The following KLHL29 variants were observed in gnomAD, a reference collection of about 807,000 sequenced individuals.
KLHL29 encodes kelch-like protein 29.
KLHL29 carries 21 observed loss-of-function variants against 80.4 expected under a neutral mutation model. That is an observed-to-expected ratio of 0.26 (90% confidence interval 0.19 to 0.38). KLHL29 has a LOEUF of 0.38. Ranked by LOEUF, KLHL29 falls within the 10% of genes least tolerant of loss-of-function variation. KLHL29 has a pLI of 1.00. For missense variants in KLHL29, 867 were observed against 1,223.9 expected (o/e 0.71, Z 4.35); for synonymous variants, 511 against 526.8 (o/e 0.97, Z 0.41).
intron 3 of KLHL29, among the ~76,000 whole-genome samples, chr2:23,611,837 A>G (rs1048455919): frequency 2.6e-5 from 4 of 152,022 alleles, no homozygotes; most frequent in African/African-American, 7.2e-5. Context: ...AAATAACCAC[A>G]TAATACCCCA....
At chr2:23,497,996 C>G (rs1161679252) in intron 2 of KLHL29, among the ~76,000 whole-genome samples, 1 of 151,956 alleles carries the variant, frequency 6.6e-6, no homozygotes, top group African/African-American at 2.4e-5. Context: ...AGGTGTGCAG[C>G]ACAATGTTTT....
chr2:23,471,117 G>T (rs956847276), intron 1 of KLHL29, among the ~76,000 whole-genome samples: 1 of 152,196 alleles, frequency 6.6e-6, no homozygotes, highest in African/African-American at 2.4e-5. Flanking sequence ...ACAGTTTACA[G>T]CCTCCAGTTC....
intron 3 of KLHL29, among the ~76,000 whole-genome samples, chr2:23,610,332 G>T (rs1668827674): frequency 6.6e-6 from 1 of 152,190 alleles, no homozygotes; most frequent in Admixed American, 6.5e-5. Flanking sequence ...TGATTTCCCA[G>T]CTCCCTATCT....
chr2:23,489,431 C>A (rs114063835), intron 2 of KLHL29, among the ~76,000 whole-genome samples: 230 of 152,184 alleles, frequency 1.5e-3, no homozygotes, highest in Admixed American at 2.4e-3. Flanking sequence ...ATCTCCCTTG[C>A]TGCAATTTAA....
rs1666768797 is a variant in KLHL29 at position 23,539,431 on chromosome 2, C to CTTTTTTTTTTTTTTTTTTTTTTTTTTT, written c.-45-22721_-45-22720insTTTTTTTTTTTTTTTTTTTTTTTTTTT. 1.9e-5 allele frequency among the ~76,000 whole-genome samples: 2 copies of CTTTTTTTTTTTTTTTTTTTTTTTTTTT among 107,216 alleles called. 1 individual carries two copies. The allele number at this position is 107,216 out of a possible 152,430, so 70.3% of individuals were successfully genotyped here. ...ATGCTTTGCTAGCCTTATCCTGCCT[C>CTTTTTTTTTTTTTTTTTTTTTTTTTTT]CTTTTTTTTTTTTTTTTTTTTTTTT... On this transcript the variant is annotated intron_variant, in intron 2 of 13. Coordinates refer to ENST00000486442, the MANE Select transcript of KLHL29 (RefSeq NM_052920.2).
intron 2 of KLHL29, among the ~76,000 whole-genome samples, chr2:23,532,384 G>A (rs1471997308): frequency 6.6e-6 from 1 of 152,242 alleles, no homozygotes; most frequent in Non-Finnish European, 1.5e-5. Context: ...TTTGCAGTGT[G>A]CTTGGCTTGA....
rs375014672 is a variant in KLHL29, at chr2:23,457,598, G to A, written c.-153-17962G>A. Among the ~76,000 whole-genome samples, 4 of 152,280 alleles carry A rather than the reference G, an allele frequency of 2.6e-5. No individual in the cohort carries two copies. Among genetic ancestry groups the A allele is most frequent in the Middle Eastern group, 3.4e-3 (1 of 294 alleles). On this transcript the variant is annotated intron_variant, in intron 1 of 13. Coordinates refer to ENST00000486442, the MANE Select transcript of KLHL29 (RefSeq NM_052920.2). The surrounding 1 kb of genome is among the most constrained non-coding windows in gnomAD (Gnocchi z 4.3). ...GGAGTGTCACAAGGATTGTAACAGCGTCCCACTGGTGCTGGATGGCCAACA... is the reference window on the plus strand; with the variant it reads ...GGAGTGTCACAAGGATTGTAACAGCATCCCACTGGTGCTGGATGGCCAACA...
chr2:23,641,153 C>T (rs560279857), intron 4 of KLHL29, among the ~76,000 whole-genome samples: 8 of 152,308 alleles, frequency 5.3e-5, no homozygotes, highest in African/African-American at 1.2e-4. Context: ...CTGGCCTTCC[C>T]TGTCATGGTG....
chr2:23,415,792 G>C (rs1666971418), intron 1 of KLHL29, among the ~76,000 whole-genome samples: 1 of 151,888 alleles, frequency 6.6e-6, no homozygotes, highest in African/African-American at 2.4e-5. Flanking sequence ...TTAACCTCCT[G>C]GGCTCAGGCG....
Position 23,696,133 on chromosome 2 carries a change from G to A in KLHL29, c.1924G>A (p.Gly642Ser). 1 of 1,550,938 alleles carries A rather than the reference G, an allele frequency of 6.4e-7. No homozygotes were observed. The highest frequency in any genetic ancestry group is 2.4e-5 in the East Asian group (1 of 40,906). Residue 642 changes from glycine (G) to serine (S), a missense_variant and splice_region_variant, in exon 10 of 14, where the codon GGT (glycine) becomes AGT (serine). By Grantham distance (56) the Gly-to-Ser change is moderately conservative (BLOSUM62 0). Transcript: ENST00000486442. This position sits in a 1 kb window ranked among gnomAD's most constrained non-coding sequence, Gnocchi z 5.5. ...TGCAGGGGACAACATCTACCTCTCA[G>A]GTGAGGCCCCCCGGGGTTGGGGCGG... ...VSAGDNIYLS[G>S]GMESGVTLAD...
chr2:23,494,421 T>C (rs528831258), intron 2 of KLHL29, among the ~76,000 whole-genome samples: 2 of 152,324 alleles, frequency 1.3e-5, no homozygotes, highest in African/African-American at 4.8e-5. Context: ...ACGGAGATGC[T>C]TTCCTGTGAC....
intron 2 of KLHL29, among the ~76,000 whole-genome samples, chr2:23,496,072 G>T (rs540041348): frequency 6.6e-6 from 1 of 152,204 alleles, no homozygotes; most frequent in African/African-American, 2.4e-5. Flanking sequence ...ATGGCCACCC[G>T]TGTGTCCTTC....
At chr2:23,430,112 A>G (rs147932648) in intron 1 of KLHL29, among the ~76,000 whole-genome samples, 1 of 152,238 alleles carries the variant, frequency 6.6e-6, no homozygotes, top group Non-Finnish European at 1.5e-5. Context: ...CCACCAGTGC[A>G]GTGGTTATCA....
intron 1 of KLHL29, among the ~76,000 whole-genome samples, chr2:23,423,446 A>G (rs1355942612): frequency 6.6e-6 from 1 of 152,190 alleles, no homozygotes; most frequent in Non-Finnish European, 1.5e-5. Flanking sequence ...TTTGCATTCA[A>G]ATCCTCTCTG....
chr2:23,685,868 A>C (rs954840761), intron 6 of KLHL29, among the ~76,000 whole-genome samples: 6 of 152,162 alleles, frequency 3.9e-5, no homozygotes, highest in Admixed American at 2.0e-4. Flanking sequence ...ATCATGGATG[A>C]GCGTCCTAGG....
At chr2:23,431,728 C>G (rs898952602) in intron 1 of KLHL29, among the ~76,000 whole-genome samples, 11 of 152,094 alleles carry the variant, frequency 7.2e-5, no homozygotes, top group African/African-American at 2.7e-4. Flanking sequence ...CCCGTCTCTA[C>G]TAAAAGTACA....
chr2:23,556,986 A>G (rs529429402), intron 2 of KLHL29, among the ~76,000 whole-genome samples: 38 of 152,278 alleles, frequency 2.5e-4, no homozygotes, highest in African/African-American at 8.9e-4. Flanking sequence ...CCTCCATACA[A>G]AGGGATGGCT....
At chr2:23,498,266 G>A (rs1212328434) in intron 2 of KLHL29, among the ~76,000 whole-genome samples, 1 of 152,226 alleles carries the variant, frequency 6.6e-6, no homozygotes, top group Non-Finnish European at 1.5e-5. Context: ...AAATCAAGAA[G>A]TCTGAGATAT....
At chr2:23,431,582 C>CT (rs1163100325) in intron 1 of KLHL29, among the ~76,000 whole-genome samples, 3 of 148,978 alleles carry the variant, frequency 2.0e-5, no homozygotes, top group Non-Finnish European at 4.4e-5. Flanking sequence ...CAATTTCATT[C>CT]TTTTTTTTCT....
Sources: allele counts gnomAD v4.1 joint callset (sites outside exome capture counted in the v4.1 genomes callset), GRCh38; gene constraint gnomAD v4.1.1; non-coding constraint Gnocchi (gnomAD v3.1); transcripts MANE v1.5; gene names NCBI Gene and HGNC (gene_info 2026-07-23, HGNC 2026-07-21).